TFCP2: variants seen among roughly 807,000 people sequenced by gnomAD.
The protein encoded by TFCP2 is transcription factor CP2, also known as alpha-globin transcription factor CP2.
TFCP2 carries 33 observed loss-of-function variants against 73.4 expected under a neutral mutation model. The ratio of observed to expected loss-of-function variants is 0.45; its 90% CI spans 0.34 to 0.60. TFCP2 has a LOEUF of 0.60. TFCP2 is among the 20% of genes least tolerant of loss of function. The pLI is 0.01. For missense variants in TFCP2, 352 were observed against 604.0 expected (o/e 0.58, Z 4.37); for synonymous variants, 193 against 211.6 (o/e 0.91, Z 0.76).
At chr12:51,151,046 T>C (rs1941412394) in intron 1 of TFCP2, among the ~76,000 whole-genome samples, 1 of 152,138 alleles carries the variant, frequency 6.6e-6, no homozygotes, top group African/African-American at 2.4e-5. Context: ...TGAAGGACAT[T>C]AGAAGGCCTC....
chr12:51,118,329 C>T (rs796675963), intron 2 of TFCP2, among the ~76,000 whole-genome samples: 22 of 152,148 alleles, frequency 1.4e-4, no homozygotes, highest in African/African-American at 4.8e-4. Flanking sequence ...CCAAGGCAGG[C>T]GGATCATGAG....
intron 1 of TFCP2, among the ~76,000 whole-genome samples, chr12:51,157,922 C>T (rs1242541744): frequency 6.6e-6 from 1 of 151,938 alleles, no homozygotes; most frequent in Admixed American, 6.6e-5. Flanking sequence ...AGGTGATCCT[C>T]CCACTTTGAA....
Position 51,172,842 on chromosome 12 carries a change from T to G in TFCP2, c.-420A>C. Reference sequence around the variant, plus strand: ...CTTTTGCACCTTTTCCCCCGCCCCTTTCTGCTGGAGGCCCCCTCCCTCCCA... The same window carrying G: ...CTTTTGCACCTTTTCCCCCGCCCCTGTCTGCTGGAGGCCCCCTCCCTCCCA... On this transcript the variant is annotated 5_prime_UTR_variant, in exon 1 of 15. Coordinates refer to ENST00000257915, the MANE Select transcript of TFCP2 (RefSeq NM_005653.5). The G allele has an allele frequency of 5.7e-6, 1 of 174,750 alleles. No homozygotes were observed. The highest frequency in any genetic ancestry group is 1.6e-4 in the East Asian group (1 of 6,238). The allele number at this position is 174,750 out of a possible 1,614,324, so 10.8% of individuals were successfully genotyped here.
At chr12:51,170,455 C>T (rs896764983) in intron 1 of TFCP2, among the ~76,000 whole-genome samples, 3 of 151,720 alleles carry the variant, frequency 2.0e-5, no homozygotes, top group Non-Finnish European at 2.9e-5. Context: ...AATCCTCCCA[C>T]CTCAGTCTCC....
intron 1 of TFCP2, among the ~76,000 whole-genome samples, chr12:51,133,778 T>C (rs1308210096): frequency 6.6e-6 from 1 of 152,008 alleles, no homozygotes; most frequent in Non-Finnish European, 1.5e-5. Flanking sequence ...AATACAAAAA[T>C]TAGCCAGGCA....
chr12:51,115,112 T>C (rs1249303342), intron 4 of TFCP2, among the ~76,000 whole-genome samples: 4 of 132,806 alleles, frequency 3.0e-5, no homozygotes, highest in South Asian at 4.6e-4. Flanking sequence ...ATTGGAGAAA[T>C]TGGAACCTTT....
chr12:51,145,871 G>A (rs1036268894), intron 1 of TFCP2, among the ~76,000 whole-genome samples: 1 of 151,470 alleles, frequency 6.6e-6, no homozygotes, highest in African/African-American at 2.4e-5. Context: ...AGGATCACTT[G>A]AGCCCAGGAG....
rs1008018299 is a variant in TFCP2, at chr12:51,115,462, T to C, written c.457+853A>G. ...GTACCGCTGGTAGAAATGTAAAATG[T>C]GTAGTCACTGTGGAAAACAATATAG... On this transcript the variant is annotated intron_variant, in intron 4 of 14. Coordinates refer to ENST00000257915, the MANE Select transcript of TFCP2 (RefSeq NM_005653.5). Among the ~76,000 whole-genome samples, 3 of 152,172 alleles carry C rather than the reference T, an allele frequency of 2.0e-5. No homozygotes were observed. In the East Asian group the frequency reaches 5.8e-4, roughly 29 times the overall value.
intron 1 of TFCP2, among the ~76,000 whole-genome samples, chr12:51,164,364 C>T (rs776790327): frequency 1.3e-5 from 2 of 151,824 alleles, no homozygotes; most frequent in Non-Finnish European, 2.9e-5. Flanking sequence ...TTTGGGAGGC[C>T]GAGGCGGGCA....
chr12:51,118,945 A>G (rs918786464), intron 1 of TFCP2, among the ~76,000 whole-genome samples, 173 bp from the exon 2 acceptor site: 9 of 152,254 alleles, frequency 5.9e-5, no homozygotes, highest in Non-Finnish European at 1.3e-4. Context: ...CCTGACCACA[A>G]CAGTGTGGGT....
At chr12:51,106,417 G>A (rs1439860733) in intron 8 of TFCP2, 108 bp downstream of exon 8, 28 of 781,646 alleles carry the variant, frequency 3.6e-5, no homozygotes, top group Non-Finnish European at 3.8e-5. Flanking sequence ...ATCAAAGAAC[G>A]ACCAAATAGA....
chr12:51,160,258 C>A (rs1941621609), intron 1 of TFCP2, among the ~76,000 whole-genome samples: 1 of 151,634 alleles, frequency 6.6e-6, no homozygotes. Context: ...GCCTCAGCCT[C>A]CCGAGTGGCT....
Position 51,094,947 on chromosome 12 carries a change from CT to C in TFCP2, c.*293del, listed in dbSNP as rs1939919020. ...ACACAATTCCCATCATCATTATGCC[CT>C]ACATACACTCTAAATTATGTAGAGT... On this transcript the variant is annotated 3_prime_UTR_variant, in exon 15 of 15. Transcript: ENST00000257915. The C allele has an allele frequency of 7.0e-6, 3 of 429,252 alleles. No homozygotes were observed. The highest frequency in any genetic ancestry group is 1.3e-5 in the Non-Finnish European group (3 of 237,012). The allele number at this position is 429,252 out of a possible 1,614,324, so 26.6% of individuals were successfully genotyped here.
At chr12:51,152,590 G>A (rs374299781) in intron 1 of TFCP2, among the ~76,000 whole-genome samples, 14 of 152,126 alleles carry the variant, frequency 9.2e-5, no homozygotes, top group Admixed American at 4.6e-4. Context: ...TGTTTGGGGC[G>A]CCACATCTGC....
intron 1 of TFCP2, among the ~76,000 whole-genome samples, chr12:51,147,115 G>A (rs572864814): frequency 7.6e-4 from 115 of 152,308 alleles, no homozygotes; most frequent in African/African-American, 2.7e-3. Context: ...GCCCAAAGCA[G>A]GCAGATCACC....
chr12:51,138,826 C>A (rs145830563), intron 1 of TFCP2, among the ~76,000 whole-genome samples: 2,978 of 152,000 alleles, frequency 0.02, 87 homozygotes, highest in African/African-American at 0.067. Flanking sequence ...TCACTAGAGA[C>A]GGGGTTTCTC....
intron 1 of TFCP2, among the ~76,000 whole-genome samples, chr12:51,168,183 C>A (rs1941792450): frequency 1.3e-5 from 2 of 152,086 alleles, no homozygotes; most frequent in African/African-American, 4.8e-5. Flanking sequence ...ACTGTTTGAG[C>A]CCAGGAGTTC....
intron 1 of TFCP2, among the ~76,000 whole-genome samples, chr12:51,167,640 T>C (rs914768920): frequency 5.9e-5 from 9 of 152,124 alleles, no homozygotes; most frequent in Admixed American, 5.9e-4. Context: ...GTGATCTGCC[T>C]GCCTCAGCCT....
chr12:51,157,562 G>A (rs1941562948), intron 1 of TFCP2, among the ~76,000 whole-genome samples: 1 of 151,914 alleles, frequency 6.6e-6, no homozygotes, highest in South Asian at 2.1e-4. Flanking sequence ...CAAAAGCATA[G>A]AGATTACACA....
Sources: allele counts gnomAD v4.1 joint callset (sites outside exome capture counted in the v4.1 genomes callset), GRCh38; gene constraint gnomAD v4.1.1; transcripts MANE v1.5; gene names NCBI Gene and HGNC (gene_info 2026-07-23, HGNC 2026-07-21).